Variants in VPS45 observed in about 807,000 individuals in gnomAD.
VPS45 encodes vacuolar protein sorting 45 homolog, also known as vacuolar protein sorting-associated protein 45.
VPS45 carries 35 observed loss-of-function variants against 75.9 expected under a neutral mutation model. The observed-to-expected ratio is 0.46, with a 90% CI of 0.35 to 0.61. The LOEUF (loss-of-function observed/expected upper bound fraction) is 0.61. Ranked by LOEUF, VPS45 falls within the 20% of genes least tolerant of loss-of-function variation. The probability of loss-of-function intolerance (pLI) is 0.00; values close to 1 mark genes in which losing one functional copy is unlikely to be tolerated. For synonymous variants in VPS45, 220 were observed against 238.2 expected (o/e 0.92, Z 0.70); for missense variants, 559 against 685.9 (o/e 0.81, Z 2.07).
At chr1:150,128,118 T>C (rs1658609509) in intron 14 of VPS45, among the ~76,000 whole-genome samples, 1 of 151,914 alleles carries the variant, frequency 6.6e-6, no homozygotes, top group African/African-American at 2.4e-5. Flanking sequence ...CTGGGCAACA[T>C]GGTGAGACCC....
chr1:150,129,279 G>A (rs1658686119), intron 14 of VPS45, among the ~76,000 whole-genome samples: 1 of 151,964 alleles, frequency 6.6e-6, no homozygotes, highest in Non-Finnish European at 1.5e-5. Context: ...TTTAACCCAG[G>A]ATTCAAATTT....
At chr1:150,070,984 TA>T (rs1320840177) in intron 2 of VPS45, among the ~76,000 whole-genome samples, 11 of 152,116 alleles carry the variant, frequency 7.2e-5, no homozygotes, top group African/African-American at 2.7e-4. Flanking sequence ...AATTGAGGTT[TA>T]AAAGATTTAT....
At chr1:150,141,811 C>T (rs1260201721) in intron 14 of VPS45, among the ~76,000 whole-genome samples, 2 of 151,982 alleles carry the variant, frequency 1.3e-5, no homozygotes, top group African/African-American at 4.8e-5. Flanking sequence ...TACATTTGTA[C>T]ACCTAGTTCA....
intron 14 of VPS45, among the ~76,000 whole-genome samples, chr1:150,131,802 C>T (rs1571911778): frequency 6.6e-6 from 1 of 152,024 alleles, no homozygotes; most frequent in African/African-American, 2.4e-5. Flanking sequence ...GCTATGATCA[C>T]GCCACTGCAC....
At chr1:150,093,098 G>A (rs1454196014) in intron 12 of VPS45, among the ~76,000 whole-genome samples, 4 of 151,774 alleles carry the variant, frequency 2.6e-5, no homozygotes, top group Admixed American at 2.0e-4. Flanking sequence ...TGCCCGCCTC[G>A]GCCTCCCAAA....
chr1:150,098,938 A>G, intron 13 of VPS45: 1 of 1,208,314 alleles, frequency 8.3e-7, no homozygotes, highest in Non-Finnish European at 1.0e-6. Flanking sequence ...GAATCAGTCA[A>G]TTCAAAAAGG....
chr1:150,081,588 G>T lies in VPS45; in HGVS notation c.822+112G>T, dbSNP rs2275467. The T allele has an allele frequency of 1.1e-3, 1,430 of 1,258,536 alleles. 23 individuals carry two copies. The East Asian group carries it at 0.032, about 28-fold the overall frequency. The allele number at this position is 1,258,536 out of a possible 1,614,324, so 78.0% of individuals were successfully genotyped here. A position where few individuals can be genotyped will look rare whatever the true frequency, so the allele number is the denominator to read the frequency against. ...GGGATTTCATGTGAAAGGATGATAGGGGCATCCTGTGCATAAACTGCCTCT... is the reference window on the plus strand; with the variant it reads ...GGGATTTCATGTGAAAGGATGATAGTGGCATCCTGTGCATAAACTGCCTCT... On this transcript the variant is annotated intron_variant, in intron 8 of 14. Coordinates refer to ENST00000644510, the MANE Select transcript of VPS45 (RefSeq NM_007259.5).
chr1:150,118,395 T>C (rs1397227437), intron 14 of VPS45, among the ~76,000 whole-genome samples: 9 of 151,788 alleles, frequency 5.9e-5, no homozygotes, highest in Non-Finnish European at 8.8e-5. Context: ...AGTGTTCAAG[T>C]TCCTGACAAA....
chr1:150,138,305 C>T (rs1176979984), intron 14 of VPS45, among the ~76,000 whole-genome samples: 10 of 152,134 alleles, frequency 6.6e-5, no homozygotes, highest in African/African-American at 2.2e-4. Context: ...TGCTATGTTG[C>T]GCAGGCTGGT....
chr1:150,110,382 A>T, intron 13 of VPS45, 114 bp from the exon 14 acceptor site: 3 of 1,041,960 alleles, frequency 2.9e-6, no homozygotes, highest in Non-Finnish European at 3.9e-6. Flanking sequence ...ATTCTGCTTT[A>T]ATTCTGCTTC....
At chr1:150,130,897 A>G (rs942204944) in intron 14 of VPS45, among the ~76,000 whole-genome samples, 24 of 152,190 alleles carry the variant, frequency 1.6e-4, no homozygotes, top group Admixed American at 4.6e-4. Flanking sequence ...TCATGATCCA[A>G]GAAGTGAGAT....
At chr1:150,100,867 T>TA (rs1460774746) in intron 13 of VPS45, among the ~76,000 whole-genome samples, 1 of 151,980 alleles carries the variant, frequency 6.6e-6, no homozygotes, top group Non-Finnish European at 1.5e-5. Context: ...AACCCAAAAT[T>TA]ATAAAAACCC....
chr1:150,080,183 T>C (rs935328674), intron 7 of VPS45, among the ~76,000 whole-genome samples: 4 of 151,234 alleles, frequency 2.6e-5, no homozygotes, highest in African/African-American at 9.7e-5. Flanking sequence ...TTTGCTCTTA[T>C]TGTCCAGGCT....
At position 150,145,094 on chromosome 1, in the gene VPS45, C is replaced by A. The variant is rs1431239641; in HGVS notation, c.*298C>A. ...TGACTTGGGGAAAGGGTTATCAGAG[C>A]CTAGAGGGGCTTAAAAAGTAATCAT... On this transcript the variant is annotated 3_prime_UTR_variant, in exon 15 of 15. Transcript: ENST00000644510. 1.6e-6 allele frequency: 1 copy of A among 629,970 alleles called. No individual in the cohort carries two copies. The highest frequency in any genetic ancestry group is 1.8e-5 in the African/African-American group (1 of 54,476). The allele number at this position is 629,970 out of a possible 1,614,324, so 39.0% of individuals were successfully genotyped here.
chr1:150,100,241 C>CA (rs1231739167), intron 13 of VPS45, among the ~76,000 whole-genome samples: 2 of 151,850 alleles, frequency 1.3e-5, no homozygotes, highest in East Asian at 1.9e-4. Context: ...CAACTGCCAC[C>CA]AAAAAAATAA....
chr1:150,068,846 TTG>T lies in VPS45; in HGVS notation c.228+84_228+85del, dbSNP rs1359570379. The T allele has an allele frequency of 9.8e-6, 13 of 1,319,966 alleles. No homozygotes were observed. In the African/African-American group the frequency reaches 1.8e-4, roughly 18 times the overall value. 81.8% of individuals were successfully genotyped at this position (1,319,966 alleles called of 1,614,324 possible). ...AAAGCATTAAGAAGGCAAAATAAAT[TTG>T]TATTATCATAATTTGTGGCATCATA... On this transcript the variant is annotated intron_variant, in intron 2 of 14. Coordinates refer to ENST00000644510, the MANE Select transcript of VPS45 (RefSeq NM_007259.5).
At chr1:150,110,160 C>T (rs1657567219) in intron 13 of VPS45, 2 of 198,184 alleles carry the variant, frequency 1.0e-5, no homozygotes, top group Non-Finnish European at 2.1e-5. Flanking sequence ...GTATTGATAT[C>T]ATGTCATGGT....
chr1:150,091,299 T>C (rs2101564082), intron 10 of VPS45, among the ~76,000 whole-genome samples: 1 of 152,372 alleles, frequency 6.6e-6, no homozygotes, highest in Middle Eastern at 3.4e-3. Context: ...TTTGTTCTGC[T>C]GCATAATAAA....
intron 2 of VPS45, among the ~76,000 whole-genome samples, chr1:150,069,494 T>C (rs1456598371): frequency 6.7e-6 from 1 of 148,816 alleles, no homozygotes; most frequent in Non-Finnish European, 1.5e-5. Context: ...TCTCGCTCTG[T>C]CGCCCAGGCT....
Sources: allele counts gnomAD v4.1 joint callset (sites outside exome capture counted in the v4.1 genomes callset), GRCh38; gene constraint gnomAD v4.1.1; transcripts MANE v1.5; gene names NCBI Gene and HGNC (gene_info 2026-07-23, HGNC 2026-07-21).